Variants in DEFB131B observed in about 807,000 individuals in gnomAD.
DEFB131B encodes the protein beta-defensin 131B.
In DEFB131B, 2 loss-of-function variants were observed where a neutral mutation model predicts 2.1. The observed-to-expected ratio is 0.94, with a 90% CI of 0.38 to 2.95. The LOEUF (loss-of-function observed/expected upper bound fraction) is 2.95, where lower values mean the gene tolerates loss of function less well. DEFB131B is among the 30% of genes most tolerant of loss of function. DEFB131B has a pLI of 0.09. For missense variants in DEFB131B, 77 were observed against 78.5 expected (o/e 0.98, Z 0.07); for synonymous variants, 26 against 25.8 (o/e 1.01, Z -0.03).
chr11:71,884,092 T>C lies in DEFB131B; in HGVS notation c.59-315T>C, dbSNP rs181904078. 2.3e-3 allele frequency among the ~76,000 whole-genome samples: 351 copies of C among 152,296 alleles called. 1 individual carries two copies. Among genetic ancestry groups the C allele is most frequent in the African/African-American group, 8.1e-3 (337 of 41,564 alleles). ...AGAATTTAACTCCAGAAATTAAACA[T>C]TATTTCCTGCATTATGAATCTCTAC... On this transcript the variant is annotated intron_variant, in intron 1 of 1. Coordinates refer to ENST00000530210, the MANE Select transcript of DEFB131B (RefSeq NM_001242853.1).
At chr11:71,881,482 C>G (rs2121350309) in intron 1 of DEFB131B, among the ~76,000 whole-genome samples, 1 of 152,260 alleles carries the variant, frequency 6.6e-6, no homozygotes, top group Admixed American at 6.5e-5. Flanking sequence ...TGAGGCCTGT[C>G]TTGGCTTGCA....
At position 71,878,458 on chromosome 11, in the gene DEFB131B, G is replaced by T. The variant is rs1442999661; in HGVS notation, c.6G>T (p.Arg2Ser). ...CCTGCTTTACCTATTCAACCATGAG[G>T]GTCTTGTTTTTTGTCTTTGGAGTCC... is the stretch of plus-strand genomic sequence containing the variant. Reference protein sequence around the residue: MRVLFFVFGVLS... With the variant: MSVLFFVFGVLS... The change falls in exon 1 of 2, where the codon AGG becomes AGT. Residue 2 changes from arginine to serine, a missense_variant. Arg to Ser is a moderately radical substitution (Grantham distance 110). Transcript: ENST00000530210. 3 of 1,611,502 alleles carry T rather than the reference G, an allele frequency of 1.9e-6. No individual in the cohort carries two copies. The highest frequency in any genetic ancestry group is 2.5e-6 in the Non-Finnish European group (3 of 1,179,760).
intron 1 of DEFB131B, among the ~76,000 whole-genome samples, chr11:71,881,937 T>C (rs1337075125): frequency 6.6e-6 from 1 of 152,074 alleles, no homozygotes; most frequent in African/African-American, 2.4e-5. Context: ...AGAAGAAATA[T>C]TTGAAGAAAT....
intron 1 of DEFB131B, 70 bp downstream of exon 1, chr11:71,878,580 A>C: frequency 6.5e-7 from 1 of 1,527,230 alleles, no homozygotes; most frequent in Non-Finnish European, 8.9e-7. Flanking sequence ...GTCTTTCAAG[A>C]GTCTGAAAAT....
chr11:71,884,511 A>G lies in DEFB131B; in HGVS notation c.163A>G (p.Ile55Val), dbSNP rs774073081. 57 of 1,609,634 alleles carry G rather than the reference A, an allele frequency of 3.5e-5. No homozygotes were observed. Among genetic ancestry groups the G allele is most frequent in the Non-Finnish European group, 3.3e-5 (39 of 1,178,522 alleles). ...HAIRYCADFS[I>V]CCKLKIIQID... The stretch of plus-strand genomic sequence containing the variant: ...AATTAGATACTGTGCTGACTTCAGC[A>G]TCTGCTGCAAACTGAAGATCATTCA... Residue 55 changes from isoleucine to valine, a missense_variant, in exon 2 of 2, where the codon ATC becomes GTC. Physicochemically the swap from Ile to Val is conservative, Grantham distance 29 (BLOSUM62 3). Transcript: ENST00000530210.
intron 1 of DEFB131B, among the ~76,000 whole-genome samples, 177 bp downstream of exon 1, chr11:71,878,687 A>G (rs757201805): frequency 2.5e-4 from 38 of 152,184 alleles, no homozygotes; most frequent in Admixed American, 2.5e-3. Flanking sequence ...CACTGCAGTG[A>G]TTTAACCTAT....
intron 1 of DEFB131B, among the ~76,000 whole-genome samples, chr11:71,883,388 T>C (rs1952588230): frequency 6.6e-6 from 1 of 152,144 alleles, no homozygotes. Context: ...GGGATAAAGA[T>C]AGACATATAG....
intron 1 of DEFB131B, among the ~76,000 whole-genome samples, chr11:71,880,748 T>C (rs934257080): frequency 6.6e-6 from 1 of 152,244 alleles, no homozygotes; most frequent in African/African-American, 2.4e-5. Context: ...TGTTATTTTC[T>C]TCTGAGTTTT....
intron 1 of DEFB131B, among the ~76,000 whole-genome samples, chr11:71,882,775 G>T (rs1289774467): frequency 6.6e-6 from 1 of 152,238 alleles, no homozygotes. Context: ...GAAATAAATG[G>T]CATCCAAACT....
chr11:71,880,417 G>A (rs941586055), intron 1 of DEFB131B, among the ~76,000 whole-genome samples: 1 of 151,956 alleles, frequency 6.6e-6, no homozygotes, highest in African/African-American at 2.4e-5. Flanking sequence ...TTTGTTCTTG[G>A]TTAGTCTAGC....
rs539809667 is a variant in DEFB131B, at chr11:71,884,065, T to A, written c.59-342T>A. 2.0e-5 allele frequency among the ~76,000 whole-genome samples: 3 copies of A among 152,334 alleles called. No individual in the cohort carries two copies. The East Asian group carries it at 5.8e-4, about 29-fold the overall frequency. On this transcript the variant is annotated intron_variant, in intron 1 of 1. Coordinates refer to ENST00000530210, the MANE Select transcript of DEFB131B (RefSeq NM_001242853.1). ...TAGATTCCATCCCCAATGACTTTTT[T>A]AAGAATTTAACTCCAGAAATTAAAC... is the stretch of plus-strand genomic sequence containing the variant.
chr11:71,881,833 T>C (rs1952565005), intron 1 of DEFB131B, among the ~76,000 whole-genome samples: 1 of 151,610 alleles, frequency 6.6e-6, no homozygotes. Context: ...GAAAAAAGAA[T>C]TAAAAAGAAC....
intron 1 of DEFB131B, among the ~76,000 whole-genome samples, chr11:71,882,278 CAG>C (rs924098964): frequency 5.3e-5 from 8 of 150,778 alleles, no homozygotes; most frequent in Non-Finnish European, 8.9e-5. Flanking sequence ...TTTTTTTAGA[CAG>C]AGTCTCACTT....
chr11:71,884,324 T>C (rs1952600714), intron 1 of DEFB131B, 83 bp from the exon 2 acceptor site: 3 of 1,371,214 alleles, frequency 2.2e-6, no homozygotes, highest in Non-Finnish European at 2.9e-6. Flanking sequence ...GTAATGCTTT[T>C]AATTTATTAT....
At chr11:71,883,169 C>T (rs1364418803) in intron 1 of DEFB131B, among the ~76,000 whole-genome samples, 1 of 152,042 alleles carries the variant, frequency 6.6e-6, no homozygotes, top group Non-Finnish European at 1.5e-5. Context: ...CCATACTATT[C>T]AAAGCAATTT....
At chr11:71,878,984 A>T (rs1185069040) in intron 1 of DEFB131B, among the ~76,000 whole-genome samples, 1 of 152,204 alleles carries the variant, frequency 6.6e-6, no homozygotes, top group Admixed American at 6.5e-5. Context: ...TGGGCAACAG[A>T]GTGAGACCCT....
intron 1 of DEFB131B, among the ~76,000 whole-genome samples, chr11:71,881,438 C>T (rs1361906274): frequency 6.6e-6 from 1 of 152,124 alleles, no homozygotes; most frequent in Non-Finnish European, 1.5e-5. Context: ...AGTTATAAGT[C>T]TAAGATCAAG....
intron 1 of DEFB131B, among the ~76,000 whole-genome samples, chr11:71,879,999 G>A (rs1009881633): frequency 2.0e-5 from 3 of 151,982 alleles, no homozygotes; most frequent in Non-Finnish European, 4.4e-5. Context: ...CACTCTAAAG[G>A]AATGAATTTT....
intron 1 of DEFB131B, among the ~76,000 whole-genome samples, chr11:71,884,079 C>A (rs1952597455): frequency 6.6e-6 from 1 of 152,128 alleles, no homozygotes; most frequent in African/African-American, 2.4e-5. Flanking sequence ...AATTTAACTC[C>A]AGAAATTAAA....
Sources: allele counts gnomAD v4.1 joint callset (sites outside exome capture counted in the v4.1 genomes callset), GRCh38; gene constraint gnomAD v4.1.1; transcripts MANE v1.5; gene names NCBI Gene and HGNC (gene_info 2026-07-23, HGNC 2026-07-21).